Variants in BPNT1 observed in about 807,000 individuals in gnomAD.
The protein encoded by BPNT1 is 3'(2'), 5'-bisphosphate nucleotidase 1.
A neutral mutation model predicts 36.9 loss-of-function variants in BPNT1; 28 were observed. The observed-to-expected ratio is 0.76, with a 90% confidence interval of 0.56 to 1.04. The LOEUF (loss-of-function observed/expected upper bound fraction) is 1.04, where lower values mean the gene tolerates loss of function less well. Among genes scored for constraint, BPNT1 ranks in the 50% least tolerant of loss-of-function variants. BPNT1 has a pLI of 0.00. For missense variants in BPNT1, 313 were observed against 372.9 expected (o/e 0.84, Z 1.32); for synonymous variants, 119 against 130.9 (o/e 0.91, Z 0.62).
chr1:220,076,165 G>A (rs572555472), intron 2 of BPNT1, among the ~76,000 whole-genome samples: 1 of 152,092 alleles, frequency 6.6e-6, no homozygotes, highest in East Asian at 1.9e-4. Context: ...TCAGGAGTTC[G>A]AGACCAGCCT....
chr1:220,061,771 CATAATG>C (rs545947065), intron 7 of BPNT1, among the ~76,000 whole-genome samples: 3 of 151,980 alleles, frequency 2.0e-5, no homozygotes, highest in Non-Finnish European at 4.4e-5. Context: ...GGGATGTCAT[CATAATG>C]ATATCTAGGG....
intron 7 of BPNT1, 73 bp from the exon 8 acceptor site, chr1:220,059,864 AC>A: frequency 8.5e-7 from 1 of 1,176,950 alleles, no homozygotes; most frequent in Non-Finnish European, 1.2e-6. Flanking sequence ...AGATTGAGGT[AC>A]AGATAAGAAA....
At chr1:220,088,649 G>C (rs1655984497) in intron 1 of BPNT1, among the ~76,000 whole-genome samples, 2 of 151,800 alleles carry the variant, frequency 1.3e-5, no homozygotes, top group South Asian at 2.1e-4. Context: ...AAATTAGATG[G>C]TGTGGTGGCA....
chr1:220,067,235 A>G, intron 6 of BPNT1, 67 bp downstream of exon 6: 1 of 1,008,368 alleles, frequency 9.9e-7, no homozygotes, highest in Non-Finnish European at 1.4e-6. Context: ...CTTAGGTAAC[A>G]TAAAGAATCA....
chr1:220,079,004 G>C (rs1432018234), intron 2 of BPNT1, among the ~76,000 whole-genome samples: 11 of 152,060 alleles, frequency 7.2e-5, no homozygotes. Flanking sequence ...TACTATACTG[G>C]GAAAAACACG....
At chr1:220,075,909 A>G (rs534613991) in intron 2 of BPNT1, among the ~76,000 whole-genome samples, 1 of 152,312 alleles carries the variant, frequency 6.6e-6, no homozygotes, top group African/African-American at 2.4e-5. Context: ...TTGTATGTCT[A>G]ATATAACCTC....
chr1:220,067,792 G>T (rs192951465), intron 5 of BPNT1, among the ~76,000 whole-genome samples: 9 of 152,228 alleles, frequency 5.9e-5, no homozygotes, highest in Admixed American at 5.9e-4. Context: ...TTCTCAAAGG[G>T]AGGCCCAAGG....
At chr1:220,086,079 G>A (rs1031142494) in intron 1 of BPNT1, among the ~76,000 whole-genome samples, 4 of 152,008 alleles carry the variant, frequency 2.6e-5, no homozygotes, top group African/African-American at 9.7e-5. Context: ...TATGAACAGA[G>A]GTACTCCCCT....
chr1:220,087,917 G>C (rs762425713), intron 1 of BPNT1, among the ~76,000 whole-genome samples: 10 of 151,788 alleles, frequency 6.6e-5, no homozygotes, highest in Non-Finnish European at 8.8e-5. Flanking sequence ...TGCTCTTGTT[G>C]CCCAGGCTGG....
intron 1 of BPNT1, among the ~76,000 whole-genome samples, chr1:220,082,079 TATATATAGAGAG>T (rs1655189682): frequency 4.5e-5 from 5 of 110,554 alleles, no homozygotes; most frequent in Admixed American, 9.8e-5. Context: ...TATATATATA[TATATATAGAGAG>T]AGAGAGAGAG....
At chr1:220,087,425 C>T (rs1480470969) in intron 1 of BPNT1, among the ~76,000 whole-genome samples, 2 of 151,374 alleles carry the variant, frequency 1.3e-5, no homozygotes, top group Non-Finnish European at 2.9e-5. Flanking sequence ...CTTGGTGGCA[C>T]GCGCCTGTAA....
chr1:220,086,970 T>C (rs1236301811), intron 1 of BPNT1, among the ~76,000 whole-genome samples: 4 of 146,030 alleles, frequency 2.7e-5, no homozygotes, highest in South Asian at 2.2e-4. Context: ...TTGCTCGAAC[T>C]TGGGAGGCGG....
At chr1:220,070,836 C>A (rs1378524737) in intron 4 of BPNT1, among the ~76,000 whole-genome samples, 1 of 151,366 alleles carries the variant, frequency 6.6e-6, no homozygotes, top group Non-Finnish European at 1.5e-5. Flanking sequence ...AATCAGCAGG[C>A]CATAGATGTA....
At chr1:220,073,863 A>T in intron 3 of BPNT1, 104 bp downstream of exon 3, 1 of 1,014,148 alleles carries the variant, frequency 9.9e-7, no homozygotes, top group Non-Finnish European at 1.5e-6. Context: ...AACAATAAAT[A>T]TAATGCTTAA....
intron 2 of BPNT1, among the ~76,000 whole-genome samples, chr1:220,079,495 G>A (rs768917319): frequency 1.3e-5 from 2 of 151,870 alleles, no homozygotes; most frequent in African/African-American, 2.4e-5. Context: ...CTCATCATCC[G>A]CCTGCCTCGG....
chr1:220,082,192 A>G (rs950375284), intron 1 of BPNT1, among the ~76,000 whole-genome samples: 6 of 148,138 alleles, frequency 4.1e-5, no homozygotes, highest in Admixed American at 1.4e-4. Flanking sequence ...ATATATATAT[A>G]TATTTTGAGA....
At position 220,062,801 on chromosome 1, in the gene BPNT1, T is replaced by C. The variant is rs1374862797; in HGVS notation, c.628A>G (p.Met210Val). ...NKLVTDCVAA[M>V]NPDAVLRVGG... is the part of the protein sequence containing the mutation. Reference sequence around the variant, plus strand: ...ACTCGCAGCACAGCATCGGGGTTCATAGCAGCAACACAGTCAGTAACCAAC... The same window carrying C: ...ACTCGCAGCACAGCATCGGGGTTCACAGCAGCAACACAGTCAGTAACCAAC... The change falls in exon 7 of 9, where the codon ATG becomes GTG. Residue 210 changes from methionine to valine, a missense_variant. Met to Val is a conservative substitution (Grantham distance 21, BLOSUM62 1). Coordinates refer to ENST00000322067, the MANE Select transcript of BPNT1 (RefSeq NM_006085.6). 1.9e-6 allele frequency: 3 copies of C among 1,614,194 alleles called. No homozygotes were observed. Among genetic ancestry groups the C allele is most frequent in the Non-Finnish European group, 1.7e-6 (2 of 1,180,032 alleles).
chr1:220,086,317 C>A (rs1379975988), intron 1 of BPNT1, among the ~76,000 whole-genome samples: 1 of 152,164 alleles, frequency 6.6e-6, no homozygotes, highest in African/African-American at 2.4e-5. Flanking sequence ...GTCGCCCAGG[C>A]TAAAGTGCGG....
intron 2 of BPNT1, among the ~76,000 whole-genome samples, chr1:220,075,698 T>C (rs1386933408): frequency 6.6e-6 from 1 of 152,242 alleles, no homozygotes; most frequent in Admixed American, 6.5e-5. Flanking sequence ...ATATTTCCTA[T>C]TCTATCAACA....
Sources: allele counts gnomAD v4.1 joint callset (sites outside exome capture counted in the v4.1 genomes callset), GRCh38; gene constraint gnomAD v4.1.1; transcripts MANE v1.5; gene names NCBI Gene and HGNC (gene_info 2026-07-23, HGNC 2026-07-21).